ABHD17C: variants seen among roughly 807,000 people sequenced by gnomAD.
The protein encoded by ABHD17C is alpha/beta hydrolase domain-containing protein 17C.
In ABHD17C, 11 loss-of-function variants were observed where a neutral mutation model predicts 27.9. The observed-to-expected ratio is 0.39, with a 90% CI of 0.25 to 0.65. The LOEUF is 0.65. Among genes scored for constraint, ABHD17C ranks in the 30% least tolerant of loss-of-function variants. The pLI, the probability that ABHD17C is intolerant of heterozygous loss-of-function variation, is 0.45. For missense variants in ABHD17C, 280 were observed against 470.2 expected (o/e 0.60, Z 3.74); for synonymous variants, 233 against 209.1 (o/e 1.11, Z -0.98).
intron 1 of ABHD17C, among the ~76,000 whole-genome samples, chr15:80,712,924 T>C (rs551558938): frequency 2.6e-5 from 4 of 152,308 alleles, no homozygotes; most frequent in African/African-American, 9.6e-5. Flanking sequence ...CAAAACTTTA[T>C]AATGGAAAAA....
At chr15:80,714,112 C>A (rs1352521013) in intron 1 of ABHD17C, among the ~76,000 whole-genome samples, 1 of 152,102 alleles carries the variant, frequency 6.6e-6, no homozygotes, top group African/African-American at 2.4e-5. Flanking sequence ...GGGCACCTCA[C>A]CTGGCTAATT....
At chr15:80,750,721 A>G (rs1895354605) in intron 2 of ABHD17C, among the ~76,000 whole-genome samples, 2 of 152,132 alleles carry the variant, frequency 1.3e-5, no homozygotes, top group African/African-American at 4.8e-5. Flanking sequence ...GCAGATTTAT[A>G]GTGGCGTGGC....
rs1206188715 is a variant in ABHD17C at position 80,754,403 on chromosome 15, G to A, written c.*33G>A. The A allele has an allele frequency of 6.4e-7, 1 of 1,558,184 alleles. No homozygotes were observed. Among genetic ancestry groups the A allele is most frequent in the Non-Finnish European group, 8.8e-7 (1 of 1,140,486 alleles). On this transcript the variant is annotated 3_prime_UTR_variant, in exon 3 of 3. Transcript: ENST00000258884. ...AACTTGATCTTACCTCATTTACTGT[G>A]AACAGAAGAGTCCTCTGTTTTGCAC...
chr15:80,723,332 T>G (rs1333353789), intron 1 of ABHD17C, among the ~76,000 whole-genome samples: 1 of 152,172 alleles, frequency 6.6e-6, no homozygotes, highest in Admixed American at 6.5e-5. Flanking sequence ...TGAACAGAAG[T>G]TGCTATTAAT....
At chr15:80,751,216 C>T (rs6495523) in intron 2 of ABHD17C, among the ~76,000 whole-genome samples, 85,890 of 151,172 alleles carry the variant, frequency 0.57, 25,744 homozygotes, top group Middle Eastern at 0.69. Flanking sequence ...AATAATTAGA[C>T]GAGCGTGGTG....
chr15:80,724,184 T>TA (rs1202961516), intron 1 of ABHD17C, among the ~76,000 whole-genome samples: 2 of 151,390 alleles, frequency 1.3e-5, no homozygotes, highest in Non-Finnish European at 1.5e-5. Flanking sequence ...CAAAAAAAAT[T>TA]AAAAAAAATT....
intron 1 of ABHD17C, among the ~76,000 whole-genome samples, chr15:80,696,557 G>A (rs1156838502): frequency 6.6e-6 from 1 of 152,230 alleles, no homozygotes; most frequent in East Asian, 1.9e-4. Flanking sequence ...GTCAGGTGGA[G>A]CGGGGAGTTT....
Position 80,695,682 on chromosome 15 carries a change from G to T in ABHD17C, c.253G>T (p.Gly85Cys), listed in dbSNP as rs772538698. 10 of 1,479,928 alleles carry T rather than the reference G, an allele frequency of 6.8e-6. No homozygotes were observed. In the Admixed American group the frequency reaches 9.4e-5, roughly 14 times the overall value. 91.7% of individuals were successfully genotyped at this position (1,479,928 alleles called of 1,614,324 possible). Residue 85 changes from glycine (G) to cysteine (C), a missense_variant, in exon 1 of 3, where the codon GGT (glycine) becomes TGT (cysteine). This residue lies in a region of ABHD17C where 206 missense variants were observed against 394.7 expected (regional missense o/e 0.52). Transcript: ENST00000258884. This position sits in a 1 kb window ranked among gnomAD's most constrained non-coding sequence, Gnocchi z 4.3. Reference sequence around the variant, plus strand: ...CGAGGAGGGCGCGGGCGCGGGGCCCGGTGCGTGCAGCCTGCACCTCAGCGA... The same window carrying T: ...CGAGGAGGGCGCGGGCGCGGGGCCCTGTGCGTGCAGCCTGCACCTCAGCGA... Reference protein sequence around the residue: ...QPEEGAGAGPGACSLHLSERA... With the variant: ...QPEEGAGAGPCACSLHLSERA...
In ABHD17C at chr15:80,735,321, T is replaced by C. The variant is rs1486982203; in HGVS notation, c.591-14192T>C. Among the ~76,000 whole-genome samples, 6 of 152,324 alleles carry C rather than the reference T, an allele frequency of 3.9e-5. No homozygotes were observed. In the East Asian group the frequency reaches 1.2e-3, roughly 29 times the overall value. The stretch of plus-strand genomic sequence containing the variant: ...AAATCCAACTCTACCTATTATCTCC[T>C]TCCCAACCTCCCAATTTGTGCCAAT... On this transcript the variant is annotated intron_variant, in intron 1 of 2. Transcript: ENST00000258884.
At chr15:80,730,023 A>G (rs12708529) in intron 1 of ABHD17C, among the ~76,000 whole-genome samples, 33,161 of 151,896 alleles carry the variant, frequency 0.22, 4,106 homozygotes, top group South Asian at 0.3. Flanking sequence ...GGAGGCTGAG[A>G]CAGGAGAACC....
intron 1 of ABHD17C, among the ~76,000 whole-genome samples, chr15:80,706,306 C>T (rs915939255): frequency 2.0e-5 from 3 of 152,194 alleles, no homozygotes; most frequent in African/African-American, 4.8e-5. Context: ...AATTGGAAAC[C>T]TCTGTTTTCC....
In ABHD17C at chr15:80,749,687, C is replaced by A; in HGVS notation, c.765C>A (p.Phe255Leu). The change falls in exon 2 of 3, where the codon TTC becomes TTA. Residue 255 changes from phenylalanine to leucine, a missense_variant. Physicochemically the swap from Phe to Leu is conservative, Grantham distance 22 (BLOSUM62 0). Transcript: ENST00000258884. ...DTRKTYCFDA[F>L]PSIDKISKVT... ...GGAAAACATACTGCTTTGATGCTTT[C>A]CCCAGGTAAGTTCATGCTTGTCCAA... The A allele has an allele frequency of 1.2e-6, 2 of 1,613,694 alleles. No homozygotes were observed. The highest frequency in any genetic ancestry group is 1.7e-6 in the Non-Finnish European group (2 of 1,179,718).
intron 1 of ABHD17C, among the ~76,000 whole-genome samples, chr15:80,727,950 C>T (rs543528319): frequency 2.6e-5 from 4 of 152,092 alleles, no homozygotes; most frequent in African/African-American, 4.8e-5. Flanking sequence ...TTGGTGGCTC[C>T]GTGGAGACTT....
intron 1 of ABHD17C, among the ~76,000 whole-genome samples, chr15:80,700,672 A>G (rs1295846646): frequency 2.0e-5 from 3 of 152,118 alleles, no homozygotes; most frequent in African/African-American, 7.2e-5. Context: ...CCTAGGCAGG[A>G]GGATCACTTG....
intron 1 of ABHD17C, among the ~76,000 whole-genome samples, chr15:80,719,283 A>G (rs957973760): frequency 6.6e-6 from 1 of 152,060 alleles, no homozygotes; most frequent in African/African-American, 2.4e-5. Flanking sequence ...TGGTTAACCA[A>G]TTTTGCGGAC....
chr15:80,706,059 A>G (rs1894644189), intron 1 of ABHD17C, among the ~76,000 whole-genome samples: 1 of 152,218 alleles, frequency 6.6e-6, no homozygotes, highest in Non-Finnish European at 1.5e-5. Context: ...TGCACCATTC[A>G]AGATGTTCTG....
At chr15:80,750,508 T>G (rs185285317) in intron 2 of ABHD17C, among the ~76,000 whole-genome samples, 7 of 152,204 alleles carry the variant, frequency 4.6e-5, no homozygotes, top group African/African-American at 1.4e-4. Flanking sequence ...GGTTTTAGGG[T>G]TTTTGATTGA....
At chr15:80,712,866 A>T (rs1396500292) in intron 1 of ABHD17C, among the ~76,000 whole-genome samples, 1 of 152,204 alleles carries the variant, frequency 6.6e-6, no homozygotes, top group Admixed American at 6.5e-5. Context: ...AGACCTGTGC[A>T]TTTGCTGTCT....
At chr15:80,751,408 G>T (rs1402592448) in intron 2 of ABHD17C, among the ~76,000 whole-genome samples, 1 of 152,096 alleles carries the variant, frequency 6.6e-6, no homozygotes, top group African/African-American at 2.4e-5. Context: ...TCATTTTACA[G>T]ATGAGGAAAT....
Sources: gnomAD v4.1 joint callset for allele counts (sites outside exome capture counted in the v4.1 genomes callset) on GRCh38, gnomAD v4.1.1 for gene constraint, gnomAD v4.1.1 regional missense constraint, Gnocchi (gnomAD v3.1) non-coding constraint, MANE v1.5 for transcripts, NCBI Gene and HGNC (gene_info 2026-07-23, HGNC 2026-07-21) for gene names.